The following NPAS3 variants were observed in gnomAD, a reference collection of about 807,000 sequenced individuals.
NPAS3 encodes neuronal PAS domain-containing protein 3.
NPAS3 carries 14 observed loss-of-function variants against 73.1 expected under a neutral mutation model. The ratio of observed to expected loss-of-function variants is 0.19; its 90% CI spans 0.13 to 0.30. The LOEUF is 0.30. NPAS3 is among the 10% of genes least tolerant of loss of function. NPAS3 has a pLI of 1.00. For missense variants in NPAS3, 1,096 were observed against 1,250.0 expected (o/e 0.88, Z 1.86); for synonymous variants, 620 against 541.5 (o/e 1.14, Z -2.01).
At chr14:33,472,253 A>G (rs1388024221) in intron 4 of NPAS3, among the ~76,000 whole-genome samples, 1 of 152,156 alleles carries the variant, frequency 6.6e-6, no homozygotes, top group Non-Finnish European at 1.5e-5. Context: ...TGTCCAGGCA[A>G]TGCAGTGTGG....
chr14:32,969,071 G>A (rs539894882), intron 1 of NPAS3, among the ~76,000 whole-genome samples: 152 of 152,250 alleles, frequency 1.0e-3, no homozygotes, highest in African/African-American at 3.3e-3. Context: ...GATAACAAAA[G>A]CCACTGCTTT....
At chr14:33,021,117 T>A (rs2039581110) in intron 1 of NPAS3, among the ~76,000 whole-genome samples, 1 of 152,150 alleles carries the variant, frequency 6.6e-6, no homozygotes, top group South Asian at 2.1e-4. Flanking sequence ...TGCCTCCAAT[T>A]TGTTGATAAG....
Position 33,300,294 on chromosome 14 carries a change from G to A in NPAS3, c.386-66892G>A, listed in dbSNP as rs143376649. On this transcript the variant is annotated intron_variant, in intron 3 of 11. Transcript: ENST00000356141. ...TATTACAGTCTGAGGTTTGCAAGCT[G>A]TGCTTTTAATTGCTCTTGATGCTTG... Among the ~76,000 whole-genome samples, 31 of 152,310 alleles carry A rather than the reference G, an allele frequency of 2.0e-4. No homozygotes were observed. The East Asian group carries it at 5.6e-3, about 28-fold the overall frequency.
At chr14:33,161,013 A>G (rs1182252830) in intron 2 of NPAS3, among the ~76,000 whole-genome samples, 2 of 152,236 alleles carry the variant, frequency 1.3e-5, no homozygotes, top group African/African-American at 4.8e-5. Flanking sequence ...AGTATTTTCC[A>G]AACAGTGGAG....
chr14:33,035,306 AT>A (rs566039429), intron 1 of NPAS3, among the ~76,000 whole-genome samples: 9 of 151,854 alleles, frequency 5.9e-5, no homozygotes, highest in South Asian at 2.1e-4. Flanking sequence ...CTAGAAGCAG[AT>A]TTTTTTTTAT....
At chr14:33,765,890 A>G (rs557386185) in intron 7 of NPAS3, among the ~76,000 whole-genome samples, 2 of 152,198 alleles carry the variant, frequency 1.3e-5, no homozygotes, top group Non-Finnish European at 2.9e-5. Context: ...GTCGATTTAG[A>G]AAATCTGAAC....
chr14:33,060,691 C>T lies in NPAS3; in HGVS notation c.140+4697C>T, dbSNP rs116172288. Among the ~76,000 whole-genome samples, 292 of 152,306 alleles carry T rather than the reference C, an allele frequency of 1.9e-3. 1 individual carries two copies. Among genetic ancestry groups the T allele is most frequent in the African/African-American group, 6.7e-3 (277 of 41,578 alleles). On this transcript the variant is annotated intron_variant, in intron 2 of 11. Transcript: ENST00000356141. ...TTAGTGTTTCAAACCTGTGCCTCAT[C>T]GGCACAGAGTTGTGATTGTCTATAG...
At chr14:33,006,507 G>T (rs2039008541) in intron 1 of NPAS3, among the ~76,000 whole-genome samples, 1 of 152,122 alleles carries the variant, frequency 6.6e-6, no homozygotes, top group African/African-American at 2.4e-5. Flanking sequence ...AGGGGGAGGG[G>T]TAACCATGGG....
chr14:33,115,444 G>A (rs1006538949), intron 2 of NPAS3, among the ~76,000 whole-genome samples: 1 of 152,100 alleles, frequency 6.6e-6, no homozygotes, highest in Non-Finnish European at 1.5e-5. Context: ...AATTCACAAG[G>A]TGAGCATATA....
At chr14:33,773,262 G>A (rs1486160421) in intron 7 of NPAS3, among the ~76,000 whole-genome samples, 4 of 152,104 alleles carry the variant, frequency 2.6e-5, no homozygotes, top group African/African-American at 7.2e-5. Flanking sequence ...CATTTGGAGC[G>A]GCAAAGCACA....
chr14:33,780,415 C>T (rs1458804319), intron 9 of NPAS3, among the ~76,000 whole-genome samples: 1 of 152,154 alleles, frequency 6.6e-6, no homozygotes, highest in African/African-American at 2.4e-5. Flanking sequence ...TGGAATAATA[C>T]AGGCTAGAGA....
intron 6 of NPAS3, among the ~76,000 whole-genome samples, chr14:33,718,324 A>G (rs1413984549): frequency 6.6e-6 from 1 of 151,514 alleles, no homozygotes; most frequent in African/African-American, 2.4e-5. Context: ...GCTACCCTAC[A>G]TCTTTCTTTT....
intron 4 of NPAS3, among the ~76,000 whole-genome samples, chr14:33,381,310 C>T (rs1303302201): frequency 1.3e-5 from 2 of 152,132 alleles, no homozygotes; most frequent in African/African-American, 4.8e-5. Flanking sequence ...ATATAAAGTA[C>T]CCAGGCCTGG....
chr14:33,071,471 T>C (rs918985774), intron 2 of NPAS3, among the ~76,000 whole-genome samples: 9 of 152,208 alleles, frequency 5.9e-5, no homozygotes, highest in African/African-American at 2.2e-4. Context: ...TACCGAGCTA[T>C]AGAAATAATA....
intron 4 of NPAS3, among the ~76,000 whole-genome samples, chr14:33,502,076 G>A (rs2052543612): frequency 6.6e-6 from 1 of 151,728 alleles, no homozygotes; most frequent in African/African-American, 2.4e-5. Context: ...TTATTTATGG[G>A]TTCCCAAATC....
At chr14:33,600,494 T>C (rs1190397258) in intron 5 of NPAS3, among the ~76,000 whole-genome samples, 11 of 152,326 alleles carry the variant, frequency 7.2e-5, no homozygotes, top group Admixed American at 5.9e-4. Context: ...GTAAACTGAA[T>C]GAATAGAATT....
chr14:33,391,722 G>C (rs917406928), intron 4 of NPAS3, among the ~76,000 whole-genome samples: 1 of 152,162 alleles, frequency 6.6e-6, no homozygotes, highest in Non-Finnish European at 1.5e-5. Context: ...AACGCACAAA[G>C]TGAGGCCAAT....
In NPAS3 at chr14:33,191,807, C is replaced by A. The variant is rs568541658; in HGVS notation, c.141-23375C>A. On this transcript the variant is annotated intron_variant, in intron 2 of 11. Coordinates refer to ENST00000356141, the Ensembl canonical transcript of NPAS3. ...CTTATGAGAGTGGCAGATGGCCACA[C>A]AAAGCAACCATGTTATTTTATTTCC... Among the ~76,000 whole-genome samples the A allele has an allele frequency of 2.0e-5, 3 of 152,278 alleles. No homozygotes were observed. The South Asian group carries it at 6.2e-4, about 32-fold the overall frequency.
chr14:32,971,612 A>G (rs940358695), intron 1 of NPAS3, among the ~76,000 whole-genome samples: 1 of 152,188 alleles, frequency 6.6e-6, no homozygotes, highest in Non-Finnish European at 1.5e-5. Context: ...AGCAGGCATA[A>G]TAGTAGAAGT....
Sources: gnomAD v4.1 joint callset for allele counts (sites outside exome capture counted in the v4.1 genomes callset) on GRCh38, gnomAD v4.1.1 for gene constraint, MANE v1.5 for transcripts, NCBI Gene and HGNC (gene_info 2026-07-23, HGNC 2026-07-21) for gene names.